ARMH3: variants seen among roughly 807,000 people sequenced by gnomAD.
ARMH3 encodes armadillo-like helical domain-containing protein 3.
Under a neutral mutation model 99.1 loss-of-function variants are expected in ARMH3, and 60 were observed. The ratio of observed to expected loss-of-function variants is 0.61; its 90% CI spans 0.49 to 0.75. ARMH3 has a LOEUF of 0.75. Among genes scored for constraint, ARMH3 ranks in the 30% least tolerant of loss-of-function variants. The probability of loss-of-function intolerance (pLI) is 0.00; values close to 1 mark genes in which losing one functional copy is unlikely to be tolerated. For synonymous variants in ARMH3, 285 were observed against 292.8 expected, an observed-to-expected ratio of 0.97 and a Z score of 0.27; for missense variants, 679 against 843.1, an observed-to-expected ratio of 0.81 and a Z score of 2.41.
At chr10:101,968,254 C>T (rs1845621982) in intron 20 of ARMH3, among the ~76,000 whole-genome samples, 1 of 152,024 alleles carries the variant, frequency 6.6e-6, no homozygotes. Context: ...TCTTCTAGGG[C>T]CCTATACCAC....
chr10:102,017,140 A>C (rs1210833580), intron 8 of ARMH3, among the ~76,000 whole-genome samples: 2 of 152,194 alleles, frequency 1.3e-5, no homozygotes, highest in African/African-American at 2.4e-5. Context: ...TCTCCCCAGC[A>C]CACTGCCTCA....
In ARMH3 at chr10:101,849,872, G is replaced by T. The variant is rs764411523; in HGVS notation, c.1881C>A (p.Ala627=). 2 of 1,614,002 alleles carry T rather than the reference G, an allele frequency of 1.2e-6. No individual in the cohort carries two copies. Among genetic ancestry groups the T allele is most frequent in the Non-Finnish European group, 1.7e-6 (2 of 1,179,994 alleles). ...GCTTCAGCGTGAGCGTGTCATAGTT[G>T]GCTCTCACCACCTCCAGCACCTGGA... ...SEEQVLEVVR[A]NYDTLTLKLQ... The change falls in exon 25 of 26, where the codon GCC becomes GCA. Residue 627 remains alanine (A), a synonymous_variant. Coordinates refer to ENST00000370033, the MANE Select transcript of ARMH3 (RefSeq NM_024541.3).
intron 20 of ARMH3, among the ~76,000 whole-genome samples, chr10:101,957,959 C>T (rs910109238): frequency 1.2e-4 from 19 of 152,180 alleles, no homozygotes; most frequent in Non-Finnish European, 2.2e-4. Context: ...ATAGCTACTT[C>T]TTTTTGCCAC....
intron 20 of ARMH3, among the ~76,000 whole-genome samples, chr10:101,968,546 G>A (rs562649598): frequency 2.0e-5 from 3 of 152,208 alleles, no homozygotes; most frequent in South Asian, 4.2e-4. Context: ...CCTTTTACTT[G>A]ACAAAATGCT....
chr10:101,999,980 A>C (rs2066313441), intron 15 of ARMH3, among the ~76,000 whole-genome samples: 1 of 152,050 alleles, frequency 6.6e-6, no homozygotes, highest in African/African-American at 2.4e-5. Context: ...CTACTCCAGA[A>C]GCTAAGGCAG....
intron 1 of ARMH3, among the ~76,000 whole-genome samples, chr10:102,053,422 A>G (rs1413593171): frequency 6.6e-6 from 1 of 151,888 alleles, no homozygotes; most frequent in African/African-American, 2.4e-5. Context: ...TTTTTCAGAG[A>G]TGGGGTCTCG....
At chr10:101,850,202 A>T (rs1389718676) in intron 24 of ARMH3, among the ~76,000 whole-genome samples, 1 of 144,302 alleles carries the variant, frequency 6.9e-6, no homozygotes, top group Admixed American at 7.3e-5. Flanking sequence ...GGTTCAAGCG[A>T]TTCTCCTGCC....
chr10:102,007,156 T>A (rs984243350), intron 13 of ARMH3, among the ~76,000 whole-genome samples: 1 of 24,972 alleles, frequency 4.0e-5, no homozygotes, highest in Non-Finnish European at 9.1e-5. Context: ...CAAGACTCTA[T>A]CTCAAAAAAA....
At chr10:102,035,465 A>T (rs1442220035) in intron 2 of ARMH3, among the ~76,000 whole-genome samples, 1 of 152,142 alleles carries the variant, frequency 6.6e-6, no homozygotes, top group Non-Finnish European at 1.5e-5. Context: ...CCGAAGCTGG[A>T]CTGTACTGCT....
At chr10:101,935,914 G>C (rs1318611706) in intron 23 of ARMH3, among the ~76,000 whole-genome samples, 1 of 152,120 alleles carries the variant, frequency 6.6e-6, no homozygotes, top group Non-Finnish European at 1.5e-5. Context: ...GATAACCACA[G>C]GTCAGATTTT....
intron 22 of ARMH3, among the ~76,000 whole-genome samples, chr10:101,949,159 G>T (rs1844682987): frequency 6.6e-6 from 1 of 151,756 alleles, no homozygotes; most frequent in Non-Finnish European, 1.5e-5. Context: ...TCATATCAAT[G>T]AACTATGCTT....
At chr10:101,921,565 G>C (rs1843306426) in intron 23 of ARMH3, among the ~76,000 whole-genome samples, 1 of 152,170 alleles carries the variant, frequency 6.6e-6, no homozygotes, top group Admixed American at 6.5e-5. Flanking sequence ...CAATAGCAAA[G>C]ATATGGAATC....
chr10:101,933,398 A>C (rs1435521032), intron 23 of ARMH3, among the ~76,000 whole-genome samples: 3 of 152,210 alleles, frequency 2.0e-5, no homozygotes, highest in African/African-American at 7.2e-5. Context: ...GAATCTCCTA[A>C]ACTAAGACTT....
At chr10:101,949,194 A>C (rs1458900458) in intron 22 of ARMH3, among the ~76,000 whole-genome samples, 1 of 152,052 alleles carries the variant, frequency 6.6e-6, no homozygotes, top group African/African-American at 2.4e-5. Context: ...TAGCAAAAAA[A>C]GAGCAAATTA....
At chr10:101,971,335 T>C (rs955697165) in intron 20 of ARMH3, among the ~76,000 whole-genome samples, 2 of 151,886 alleles carry the variant, frequency 1.3e-5, no homozygotes, top group African/African-American at 4.8e-5. Context: ...TCCCAGCACT[T>C]TGGGAGACAG....
At chr10:101,883,790 G>A (rs767801774) in intron 24 of ARMH3, among the ~76,000 whole-genome samples, 4 of 151,990 alleles carry the variant, frequency 2.6e-5, no homozygotes, top group Non-Finnish European at 4.4e-5. Flanking sequence ...CCAGGAGTTC[G>A]AGACTAGCCT....
intron 25 of ARMH3, among the ~76,000 whole-genome samples, chr10:101,847,971 TGGA>T (rs2066500970): frequency 1.3e-5 from 2 of 152,194 alleles, no homozygotes; most frequent in Admixed American, 1.3e-4. Context: ...AGTGATCTGA[TGGA>T]GGAGGAGAAA....
rs529485336 is a variant in ARMH3 at position 101,849,218 on chromosome 10, A to C, written c.1977+558T>G. On this transcript the variant is annotated intron_variant, in intron 25 of 25. Transcript: ENST00000370033. ...GCTGAGCTTTTCTTGAGAACAGCTC[A>C]GAGTACAGGGCAGGAAAGGGACCAT... 5.9e-5 allele frequency among the ~76,000 whole-genome samples: 9 copies of C among 152,330 alleles called. No individual in the cohort carries two copies. In the South Asian group the frequency reaches 1.9e-3, roughly 32 times the overall value.
Position 101,975,303 on chromosome 10 carries a change from G to C in ARMH3, c.1407-3C>G, listed in dbSNP as rs1266498039. ...TGTGTACTACCTGGATGCAGCGTCTGTAACAGGGAAAGCAAAAAATGAGGG... is the reference window on the plus strand; with the variant it reads ...TGTGTACTACCTGGATGCAGCGTCTCTAACAGGGAAAGCAAAAAATGAGGG... On this transcript the variant is annotated splice_polypyrimidine_tract_variant and splice_region_variant and intron_variant, in intron 19 of 25. Coordinates refer to ENST00000370033, the MANE Select transcript of ARMH3 (RefSeq NM_024541.3). 9.9e-6 allele frequency: 16 copies of C among 1,611,302 alleles called. No individual in the cohort carries two copies. The highest frequency in any genetic ancestry group is 1.3e-5 in the African/African-American group (1 of 74,846).
Sources: allele counts gnomAD v4.1 joint callset (sites outside exome capture counted in the v4.1 genomes callset), GRCh38; gene constraint gnomAD v4.1.1; transcripts MANE v1.5; gene names NCBI Gene and HGNC (gene_info 2026-07-23, HGNC 2026-07-21).